The following NFATC1 variants were observed in gnomAD, a reference collection of about 807,000 sequenced individuals.
NFATC1 encodes nuclear factor of activated T cells 1, also known as nuclear factor of activated T-cells, cytoplasmic 1.
Under a neutral mutation model 76.0 loss-of-function variants are expected in NFATC1, and 22 were observed. The ratio of observed to expected loss-of-function variants is 0.29; its 90% confidence interval spans 0.21 to 0.41. The LOEUF is 0.41. Ranked by LOEUF, NFATC1 falls within the 10% of genes least tolerant of loss-of-function variation. The pLI is 1.00. For synonymous variants in NFATC1, 704 were observed against 613.1 expected, an observed-to-expected ratio of 1.15 and a Z score of -2.19; for missense variants, 1,357 against 1,337.7, an observed-to-expected ratio of 1.01 and a Z score of -0.23.
intron 7 of NFATC1, among the ~76,000 whole-genome samples, chr18:79,467,168 C>G (rs1372337157): frequency 3.9e-5 from 6 of 152,270 alleles, no homozygotes; most frequent in Non-Finnish European, 8.8e-5. Context: ...AGGGCAGCCC[C>G]TTCCCTGTGA....
intron 8 of NFATC1, among the ~76,000 whole-genome samples, chr18:79,481,064 C>G: frequency 6.6e-6 from 1 of 152,278 alleles, no homozygotes; most frequent in East Asian, 1.9e-4. Flanking sequence ...ACTCCCACAT[C>G]TGGGCCTGTT....
intron 1 of NFATC1, among the ~76,000 whole-genome samples, chr18:79,405,112 C>CACCT (rs1285020336): frequency 6.6e-6 from 1 of 152,210 alleles, no homozygotes; most frequent in Non-Finnish European, 1.5e-5. Flanking sequence ...ACCCCCAAAC[C>CACCT]ACCTGTGTGT....
chr18:79,426,534 A>G (rs1450299008), intron 2 of NFATC1, among the ~76,000 whole-genome samples: 1 of 152,094 alleles, frequency 6.6e-6, no homozygotes, highest in Non-Finnish European at 1.5e-5. Context: ...AGGTGTTTCC[A>G]TTTGACCTGT....
chr18:79,499,578 T>C (rs1374795440), intron 9 of NFATC1, among the ~76,000 whole-genome samples: 1 of 152,242 alleles, frequency 6.6e-6, no homozygotes, highest in Non-Finnish European at 1.5e-5. Flanking sequence ...AGGTAGATGT[T>C]GTCAGACTGG....
chr18:79,433,592 G>C lies in NFATC1; in HGVS notation c.1240G>C (p.Ala414Pro). Reference sequence around the variant, plus strand: ...GTTCCCTTCCAGCCCGACCCTGCCCGCCCTGGACTGGCAGCTGCCGTCCCA... The same window carrying C: ...GTTCCCTTCCAGCCCGACCCTGCCCCCCCTGGACTGGCAGCTGCCGTCCCA... ...PTSYMSPTLP[A>P]LDWQLPSHSG... Residue 414 changes from alanine to proline, a missense_variant, in exon 3 of 10, where the codon GCC becomes CCC. Around this residue, in one of 3 missense-constraint regions of NFATC1, gnomAD observed 691 missense variants for 613.1 expected, o/e 1.13. Coordinates refer to ENST00000427363, the MANE Select transcript of NFATC1 (RefSeq NM_001278669.2). 1.2e-6 allele frequency: 2 copies of C among 1,613,038 alleles called. No homozygotes were observed. Among genetic ancestry groups the C allele is most frequent in the Non-Finnish European group, 8.5e-7 (1 of 1,179,896 alleles).
At chr18:79,449,269 G>A (rs540897153) in intron 4 of NFATC1, among the ~76,000 whole-genome samples, 3 of 152,250 alleles carry the variant, frequency 2.0e-5, no homozygotes, top group East Asian at 1.9e-4. Flanking sequence ...ATTTCTTTCC[G>A]AATACAGCAG....
rs199800288 is a variant in NFATC1, at chr18:79,486,779, C to T, written c.2624C>T (p.Pro875Leu). The change falls in exon 9 of 10, where the codon CCG (proline) becomes CTG (leucine). Residue 875 changes from proline (P) to leucine (L), a missense_variant. Physicochemically the swap from Pro to Leu is moderately conservative, Grantham distance 98. Transcript: ENST00000427363. ...SPACPPATGR[P>L]QHLPSTVRRD... Reference sequence around the variant, plus strand: ...GCGTGCCCGCCCGCCACGGGCCGCCCGCAGCACCTGCCGTCCACGGTCCGC... The same window carrying T: ...GCGTGCCCGCCCGCCACGGGCCGCCTGCAGCACCTGCCGTCCACGGTCCGC... The T allele has an allele frequency of 2.6e-5, 42 of 1,608,540 alleles. No homozygotes were observed. The East Asian group carries it at 2.7e-4, about 10-fold the overall frequency.
rs905982499 is a variant in NFATC1, at chr18:79,522,544, G to T, written c.2783-4984G>T. On this transcript the variant is annotated intron_variant, in intron 9 of 9. Coordinates refer to ENST00000427363, the MANE Select transcript of NFATC1 (RefSeq NM_001278669.2). ...CGTCCACTGATGTGTGTGTCTGTGG[G>T]GGGTGTCTGCTGATGTGTGTGTTTT... Among the ~76,000 whole-genome samples the T allele has an allele frequency of 3.6e-4, 54 of 150,276 alleles. 1 individual carries two copies. The highest frequency in any genetic ancestry group is 1.1e-3 in the South Asian group (5 of 4,706).
At chr18:79,441,081 G>A (rs369883979) in intron 3 of NFATC1, among the ~76,000 whole-genome samples, 249 of 152,370 alleles carry the variant, frequency 1.6e-3, no homozygotes, top group African/African-American at 5.7e-3. Context: ...TGGGCCCTGC[G>A]GAGCCGAGAC....
At position 79,451,016 on chromosome 18, in the gene NFATC1, C is replaced by T. The variant is rs2144781496; in HGVS notation, c.1652C>T (p.Thr551Met). 1.9e-6 allele frequency: 3 copies of T among 1,613,888 alleles called. No homozygotes were observed. Among genetic ancestry groups the T allele is most frequent in the Non-Finnish European group, 1.7e-6 (2 of 1,180,020 alleles). Reference sequence around the variant, plus strand: ...GACATTGAACTTCGGAAAGGAGAGACGGACATCGGGAGGAAGAACACACGG... The same window carrying T: ...GACATTGAACTTCGGAAAGGAGAGATGGACATCGGGAGGAAGAACACACGG... Reference protein sequence around the residue: ...NSDIELRKGETDIGRKNTRVR... With the variant: ...NSDIELRKGEMDIGRKNTRVR... The change falls in exon 5 of 10, where the codon ACG becomes ATG. Residue 551 changes from threonine to methionine, a missense_variant. Thr to Met is a moderately conservative substitution (Grantham distance 81, BLOSUM62 -1). Transcript: ENST00000427363.
In NFATC1 at chr18:79,410,792, C is replaced by G. The variant is rs2085644004; in HGVS notation, c.517C>G (p.Pro173Ala). The part of the protein sequence containing the change: ...EAYRDPSCLS[P>A]ASSLSSRSCN... ...CTACAGAGACCCCTCGTGCCTGAGC[C>G]CGGCCAGCAGCCTGTCCTCCCGGAG... Residue 173 changes from proline to alanine, a missense_variant, in exon 2 of 10, where the codon CCG (proline) becomes GCG (alanine). This residue lies in a region of NFATC1 where 691 missense variants were observed against 613.1 expected (regional missense o/e 1.13). Transcript: ENST00000427363. This position sits in a 1 kb window ranked among gnomAD's most constrained non-coding sequence, Gnocchi z 6.7. 6.2e-7 allele frequency: 1 copy of G among 1,612,664 alleles called. No homozygotes were observed. Among genetic ancestry groups the G allele is most frequent in the Non-Finnish European group, 8.5e-7 (1 of 1,179,900 alleles).
intron 1 of NFATC1, among the ~76,000 whole-genome samples, chr18:79,403,573 C>T (rs994969586): frequency 6.6e-6 from 1 of 152,262 alleles, no homozygotes; most frequent in Middle Eastern, 3.2e-3. Flanking sequence ...TTGGCTGCTG[C>T]CAGCACTGTC....
chr18:79,442,844 A>AGACAGCTCCCCACTCCCACCCG (rs1194551309), intron 3 of NFATC1, among the ~76,000 whole-genome samples: 14 of 151,802 alleles, frequency 9.2e-5, no homozygotes, highest in East Asian at 5.8e-4. Context: ...ACTCCCACCC[A>AGACAGCTCCCCACTCCCACCCG]GACAGCTCCC....
chr18:79,500,929 C>T (rs547329615), intron 9 of NFATC1, among the ~76,000 whole-genome samples: 58 of 152,258 alleles, frequency 3.8e-4, no homozygotes, highest in African/African-American at 1.3e-3. Flanking sequence ...AAGAATAATA[C>T]CAGTGCCAAT....
At chr18:79,464,288 T>A (rs993927404) in intron 7 of NFATC1, among the ~76,000 whole-genome samples, 1 of 152,114 alleles carries the variant, frequency 6.6e-6, no homozygotes, top group African/African-American at 2.4e-5. Flanking sequence ...AGAGACGGGA[T>A]TTCACCATGT....
At chr18:79,426,926 T>C (rs1370326183) in intron 2 of NFATC1, among the ~76,000 whole-genome samples, 1 of 152,194 alleles carries the variant, frequency 6.6e-6, no homozygotes, top group Non-Finnish European at 1.5e-5. Flanking sequence ...TCCAGACTCA[T>C]CAGGGAAGCT....
intron 1 of NFATC1, among the ~76,000 whole-genome samples, chr18:79,406,571 C>T (rs1186053063): frequency 1.3e-5 from 2 of 152,242 alleles, no homozygotes; most frequent in Non-Finnish European, 2.9e-5. Flanking sequence ...GAGAGGGCTT[C>T]TAGACAAATA....
At chr18:79,518,206 C>T (rs2090430416) in intron 9 of NFATC1, among the ~76,000 whole-genome samples, 1 of 152,252 alleles carries the variant, frequency 6.6e-6, no homozygotes, top group African/African-American at 2.4e-5. Context: ...GTAGAGGCAG[C>T]TCAGCTGTGT....
chr18:79,489,960 G>C (rs1208979051), intron 9 of NFATC1, among the ~76,000 whole-genome samples: 1 of 152,236 alleles, frequency 6.6e-6, no homozygotes, highest in African/African-American at 2.4e-5. Flanking sequence ...CCTATGACAT[G>C]GCAAGTGTGT....
Sources: allele counts gnomAD v4.1 joint callset (sites outside exome capture counted in the v4.1 genomes callset), GRCh38; gene constraint gnomAD v4.1.1; regional missense constraint gnomAD v4.1.1; non-coding constraint Gnocchi (gnomAD v3.1); transcripts MANE v1.5; gene names NCBI Gene and HGNC (gene_info 2026-07-23, HGNC 2026-07-21).